Variants in RBFOX1 observed in about 807,000 individuals in gnomAD.
RBFOX1 encodes RNA binding protein fox-1 homolog 1.
RBFOX1 carries 8 observed loss-of-function variants against 57.7 expected under a neutral mutation model. The observed-to-expected ratio is 0.14, with a 90% CI of 0.08 to 0.25. RBFOX1 has a LOEUF of 0.25. Ranked by LOEUF, RBFOX1 falls within the 10% of genes least tolerant of loss-of-function variation. The pLI, the probability that RBFOX1 is intolerant of heterozygous loss-of-function variation, is 1.00. For missense variants in RBFOX1, 611 were observed against 548.5 expected (o/e 1.11, Z -1.14); for synonymous variants, 326 against 222.4 (o/e 1.47, Z -4.15).
intron 4 of RBFOX1, among the ~76,000 whole-genome samples, chr16:7,330,847 C>G (rs1371658722): frequency 1.3e-5 from 2 of 152,124 alleles, no homozygotes; most frequent in African/African-American, 4.8e-5. Flanking sequence ...TAAAGGAAAG[C>G]AGACGGGAGA....
chr16:6,130,910 T>A (rs2096624902), intron 1 of RBFOX1, among the ~76,000 whole-genome samples: 1 of 152,058 alleles, frequency 6.6e-6, no homozygotes, highest in African/African-American at 2.4e-5. Context: ...AATAGATAAA[T>A]CTGCAGTCAT....
intron 4 of RBFOX1, among the ~76,000 whole-genome samples, chr16:7,144,506 C>T (rs1043140045): frequency 6.8e-6 from 1 of 146,394 alleles, no homozygotes; most frequent in African/African-American, 2.6e-5. Context: ...CTCACTGCAG[C>T]CTTAACGTCC....
chr16:5,997,582 G>A (rs1227557154), intron 4 of RBFOX1, among the ~76,000 whole-genome samples: 1 of 152,186 alleles, frequency 6.6e-6, no homozygotes, highest in Non-Finnish European at 1.5e-5. Flanking sequence ...CAAATCTCTA[G>A]AGCGATTAGG....
intron 3 of RBFOX1, among the ~76,000 whole-genome samples, chr16:7,022,364 C>G (rs2039565792): frequency 6.6e-6 from 1 of 151,716 alleles, no homozygotes; most frequent in Non-Finnish European, 1.5e-5. Context: ...CCGTGAACCC[C>G]ATATTCTTAA....
intron 3 of RBFOX1, among the ~76,000 whole-genome samples, chr16:5,809,293 C>G (rs372718655): frequency 3.9e-5 from 6 of 152,226 alleles, no homozygotes; most frequent in African/African-American, 1.4e-4. Context: ...ACACCAAAAG[C>G]AATGGCAACA....
chr16:7,191,929 GATA>G (rs1317881779), intron 4 of RBFOX1, among the ~76,000 whole-genome samples: 5 of 152,198 alleles, frequency 3.3e-5, no homozygotes, highest in African/African-American at 1.2e-4. Flanking sequence ...ACATCATTGT[GATA>G]ATAATTTATT....
chr16:6,478,421 ATATATATATTTTT>A (rs2095314374), intron 2 of RBFOX1, among the ~76,000 whole-genome samples: 2 of 12,446 alleles, frequency 1.6e-4, no homozygotes, highest in South Asian at 6.4e-3. Flanking sequence ...ATATATATAT[ATATATATATTTTT>A]TTTTTTTTTT....
intron 3 of RBFOX1, among the ~76,000 whole-genome samples, chr16:6,892,793 TCTCTCTCTCTCTCTCTCTC>T (rs2065819014): frequency 1.2e-5 from 1 of 80,788 alleles, no homozygotes; most frequent in Non-Finnish European, 2.8e-5. Context: ...TCTCTCTCTC[TCTCTCTCTCTCTCTCTCTC>T]TCTCTCTCTC....
chr16:6,329,584 T>G (rs1345057913), intron 2 of RBFOX1, among the ~76,000 whole-genome samples: 1 of 152,160 alleles, frequency 6.6e-6, no homozygotes, highest in African/African-American at 2.4e-5. Flanking sequence ...AGGATTCTGG[T>G]GCCTGGAGAC....
intron 1 of RBFOX1, among the ~76,000 whole-genome samples, chr16:5,265,745 A>G (rs1051418932): frequency 2.6e-5 from 4 of 152,196 alleles, no homozygotes; most frequent in African/African-American, 7.2e-5. Flanking sequence ...CAGAGGCTGA[A>G]TTAAACAAAT....
At position 6,069,346 on chromosome 16, in the gene RBFOX1, C is replaced by T. The variant is rs575852775; in HGVS notation, c.-127+49354C>T. Reference sequence around the variant, plus strand: ...CTGGAAGGCGGAGGTTGCAGTGAGCCGAGATTGTGCCAGTGCACTCCAGCC... The same window carrying T: ...CTGGAAGGCGGAGGTTGCAGTGAGCTGAGATTGTGCCAGTGCACTCCAGCC... On this transcript the variant is annotated intron_variant, in intron 1 of 15. Transcript: ENST00000550418. 2.4e-4 allele frequency among the ~76,000 whole-genome samples: 35 copies of T among 144,860 alleles called. No homozygotes were observed. The South Asian group carries it at 6.2e-3, about 26-fold the overall frequency.
At chr16:5,669,954 T>C (rs142573279) in intron 3 of RBFOX1, among the ~76,000 whole-genome samples, 2 of 152,214 alleles carry the variant, frequency 1.3e-5, no homozygotes, top group African/African-American at 4.8e-5. Flanking sequence ...GAGGGAAGAC[T>C]AGATAAACAC....
At chr16:6,626,990 A>C (rs777422592) in intron 2 of RBFOX1, among the ~76,000 whole-genome samples, 2 of 152,206 alleles carry the variant, frequency 1.3e-5, no homozygotes, top group Non-Finnish European at 2.9e-5. Context: ...ATAGACGAAG[A>C]AACTGAGGCA....
In RBFOX1 at chr16:6,649,571, C is replaced by T. The variant is rs372813210; in HGVS notation, c.-63-5032C>T. 1.4e-3 allele frequency among the ~76,000 whole-genome samples: 211 copies of T among 152,300 alleles called. 1 individual carries two copies. Among genetic ancestry groups the T allele is most frequent in the South Asian group, 0.012 (60 of 4,826 alleles). ...CCACTGTACCATTCTTATGCCTTTG[C>T]TTCCTCATCGCTTAGCTCCCACTTA... On this transcript the variant is annotated intron_variant, in intron 2 of 15. Coordinates refer to ENST00000550418, the MANE Select transcript of RBFOX1 (RefSeq NM_018723.4).
chr16:5,274,024 C>T (rs1487589830), intron 1 of RBFOX1, among the ~76,000 whole-genome samples: 1 of 152,188 alleles, frequency 6.6e-6, no homozygotes, highest in Non-Finnish European at 1.5e-5. Flanking sequence ...TATTCCCTCT[C>T]AGGTTTGTGG....
At chr16:6,741,119 G>C (rs2071950340) in intron 3 of RBFOX1, among the ~76,000 whole-genome samples, 2 of 152,106 alleles carry the variant, frequency 1.3e-5, no homozygotes, top group African/African-American at 4.8e-5. Flanking sequence ...TTTAATGGGG[G>C]AAGTATAATC....
chr16:6,743,473 A>C (rs987276263), intron 3 of RBFOX1, among the ~76,000 whole-genome samples: 8 of 152,182 alleles, frequency 5.3e-5, no homozygotes, highest in Admixed American at 5.2e-4. Context: ...GATGAATGGT[A>C]GTGCACACCT....
intron 4 of RBFOX1, among the ~76,000 whole-genome samples, chr16:7,455,876 A>T (rs1567258493): frequency 6.6e-6 from 1 of 151,838 alleles, no homozygotes; most frequent in Non-Finnish European, 1.5e-5. Context: ...ACTATGAGCC[A>T]CTGTGATGTC....
At chr16:6,986,646 G>A (rs890365071) in intron 3 of RBFOX1, among the ~76,000 whole-genome samples, 1 of 152,086 alleles carries the variant, frequency 6.6e-6, no homozygotes, top group African/African-American at 2.4e-5. Context: ...CTCATCCTCT[G>A]TCTCCCTCTT....
Sources: allele counts gnomAD v4.1 joint callset (sites outside exome capture counted in the v4.1 genomes callset), GRCh38; gene constraint gnomAD v4.1.1; transcripts MANE v1.5; gene names NCBI Gene and HGNC (gene_info 2026-07-23, HGNC 2026-07-21).